CFI: variants seen among roughly 807,000 people sequenced by gnomAD.
The protein encoded by CFI is C3B/C4B inactivator.
A neutral mutation model predicts 78.8 loss-of-function variants in CFI; 66 were observed. That is an observed-to-expected ratio of 0.84 (90% CI 0.69 to 1.03). The LOEUF (loss-of-function observed/expected upper bound fraction) is 1.03, where lower values mean the gene tolerates loss of function less well. Ranked by LOEUF, CFI falls within the 50% of genes least tolerant of loss-of-function variation. The pLI is 0.00. For synonymous variants in CFI, 250 were observed against 232.6 expected (o/e 1.07, Z -0.68); for missense variants, 706 against 704.5 (o/e 1.00, Z -0.02).
At chr4:109,768,706 C>T (rs778864576) in intron 1 of CFI, among the ~76,000 whole-genome samples, 12 of 152,170 alleles carry the variant, frequency 7.9e-5, no homozygotes, top group African/African-American at 1.9e-4. Flanking sequence ...CCCTGCTGCC[C>T]GCAGTGAGCC....
At chr4:109,752,949 T>TA (rs1265311905) in intron 7 of CFI, among the ~76,000 whole-genome samples, 1 of 64,444 alleles carries the variant, frequency 1.6e-5, no homozygotes, top group Non-Finnish European at 3.1e-5. Flanking sequence ...TAAATATTTA[T>TA]AATACATATT....
At chr4:109,744,200 A>T (rs1724146169) in intron 11 of CFI, among the ~76,000 whole-genome samples, 1 of 152,220 alleles carries the variant, frequency 6.6e-6, no homozygotes, top group Admixed American at 6.6e-5. Context: ...AAATATTTTT[A>T]AAAATAAATG....
chr4:109,732,639 C>T, the CFI span, among the ~76,000 whole-genome samples: 49,959 of 151,872 alleles, frequency 0.33, 9,578 homozygotes, highest in Non-Finnish European at 0.44. Flanking sequence ...GGGCAGATCA[C>T]GAGGTCAGGA....
intron 7 of CFI, among the ~76,000 whole-genome samples, chr4:109,754,097 C>T (rs1425374085): frequency 2.6e-5 from 4 of 151,706 alleles, no homozygotes; most frequent in Non-Finnish European, 5.9e-5. Context: ...GATTCTCCTG[C>T]CTCAGCCTCC....
chr4:109,768,350 A>G lies in CFI; in HGVS notation c.58-1526T>C, dbSNP rs1343847663. On this transcript the variant is annotated intron_variant, in intron 1 of 12. Coordinates refer to ENST00000394634, the MANE Select transcript of CFI (RefSeq NM_000204.5). ...AAGAAATCCTAAAAAAAAAAAAAAA[A>G]AAAGAAAAAAAGAATCAGACAAACC... Among the ~76,000 whole-genome samples, 41 of 148,408 alleles carry G rather than the reference A, an allele frequency of 2.8e-4. No homozygotes were observed. The South Asian group carries it at 3.4e-3, about 12-fold the overall frequency.
intron 8 of CFI, 102 bp downstream of exon 8, chr4:109,752,366 C>T: frequency 2.9e-6 from 3 of 1,023,162 alleles, no homozygotes; most frequent in Non-Finnish European, 3.0e-6. Context: ...AAATTGATAC[C>T]AAAACTACTT....
chr4:109,754,164 A>G (rs1364218943), intron 7 of CFI, among the ~76,000 whole-genome samples: 3 of 151,050 alleles, frequency 2.0e-5, no homozygotes, highest in Non-Finnish European at 4.4e-5. Context: ...TTGTATTTTT[A>G]GTAGAAACAG....
At chr4:109,753,827 TATTATATAATGTATA>T in intron 7 of CFI, among the ~76,000 whole-genome samples, 1 of 52,760 alleles carries the variant, frequency 1.9e-5, no homozygotes, top group Non-Finnish European at 3.2e-5. Context: ...TTATATTATA[TATTATATAATGTATA>T]ATCTTATATT....
intron 12 of CFI, chr4:109,742,241 C>T (rs1290976518): frequency 4.3e-6 from 2 of 460,834 alleles, no homozygotes; most frequent in Non-Finnish European, 7.9e-6. Context: ...AGGTCTGGTT[C>T]CAGAGGCCGT....
intron 1 of CFI, among the ~76,000 whole-genome samples, chr4:109,782,325 G>A (rs1404957312): frequency 6.6e-6 from 1 of 151,256 alleles, no homozygotes; most frequent in Non-Finnish European, 1.5e-5. Flanking sequence ...ATTTAGTAAA[G>A]TTTCTGGATA....
In CFI at chr4:109,756,941, GAAA is replaced by G. The variant is rs1726332551; in HGVS notation, c.904+819_904+821del. On this transcript the variant is annotated intron_variant, in intron 7 of 12. Coordinates refer to ENST00000394634, the MANE Select transcript of CFI (RefSeq NM_000204.5). Reference sequence around the variant, plus strand: ...AGAAAGAAAGAAAGAAAGAAAGAAAGAAAGAAAGAAAGAAAGAAAGAAAGAAAG... The same window carrying G: ...AGAAAGAAAGAAAGAAAGAAAGAAAGGAAAGAAAGAAAGAAAGAAAGAAAG... 5.4e-5 allele frequency among the ~76,000 whole-genome samples: 8 copies of G among 148,052 alleles called. No homozygotes were observed. The South Asian group carries it at 8.8e-4, about 16-fold the overall frequency.
chr4:109,798,685 T>A (rs1309184104), intron 1 of CFI, among the ~76,000 whole-genome samples: 1 of 151,904 alleles, frequency 6.6e-6, no homozygotes, highest in East Asian at 1.9e-4. Flanking sequence ...TTACAGTAAC[T>A]CTTGAAATCA....
chr4:109,801,814 TA>T, intron 1 of CFI, 100 bp downstream of exon 1: 1 of 772,534 alleles, frequency 1.3e-6, no homozygotes, highest in Non-Finnish European at 2.2e-6. Flanking sequence ...CTGAACTATG[TA>T]ATATTTAAAT....
At chr4:109,790,733 T>A (rs1731271137) in intron 1 of CFI, among the ~76,000 whole-genome samples, 1 of 152,182 alleles carries the variant, frequency 6.6e-6, no homozygotes. Flanking sequence ...GGAAATGGCC[T>A]CTGGCTCCAT....
At chr4:109,746,906 G>C (rs1353992368) in intron 10 of CFI, among the ~76,000 whole-genome samples, 1 of 152,210 alleles carries the variant, frequency 6.6e-6, no homozygotes, top group East Asian at 1.9e-4. Context: ...GCCAACCCTA[G>C]AGGTTCCCAG....
intron 1 of CFI, among the ~76,000 whole-genome samples, chr4:109,778,135 A>G (rs1277249380): frequency 6.6e-6 from 1 of 152,224 alleles, no homozygotes; most frequent in Non-Finnish European, 1.5e-5. Flanking sequence ...CTAAGATCAG[A>G]GCAGAACTGA....
intron 1 of CFI, among the ~76,000 whole-genome samples, chr4:109,796,160 T>G (rs1246681996): frequency 6.6e-6 from 1 of 152,204 alleles, no homozygotes; most frequent in Non-Finnish European, 1.5e-5. Flanking sequence ...AGTGGATTTA[T>G]TCTTCAAATT....
chr4:109,790,602 C>G (rs945533502), intron 1 of CFI, among the ~76,000 whole-genome samples: 5 of 152,100 alleles, frequency 3.3e-5, no homozygotes, highest in Non-Finnish European at 7.4e-5. Context: ...CCTCCATCTT[C>G]TAATAGGCCC....
intron 6 of CFI, 184 bp downstream of exon 6, chr4:109,760,086 A>G (rs570961664): frequency 1.4e-6 from 1 of 698,694 alleles, no homozygotes; most frequent in South Asian, 1.5e-5. Flanking sequence ...CTGAAATAAC[A>G]AGTAGATATT....
Sources: gnomAD v4.1 joint callset for allele counts (sites outside exome capture counted in the v4.1 genomes callset) on GRCh38, gnomAD v4.1.1 for gene constraint, MANE v1.5 for transcripts, NCBI Gene and HGNC (gene_info 2026-07-23, HGNC 2026-07-21) for gene names.